Variants in CNNM2 observed in about 807,000 individuals in gnomAD.
CNNM2 encodes the protein cyclin and CBS domain divalent metal cation transport mediator 2.
CNNM2 carries 12 observed loss-of-function variants against 66.9 expected under a neutral mutation model. That is an observed-to-expected ratio of 0.18 (90% CI 0.11 to 0.29). CNNM2 has a LOEUF of 0.29. Among genes scored for constraint, CNNM2 ranks in the 10% least tolerant of loss-of-function variants. CNNM2 has a pLI of 1.00. For missense variants in CNNM2, 705 were observed against 1,167.7 expected (o/e 0.60, Z 5.77); for synonymous variants, 557 against 501.8 (o/e 1.11, Z -1.47).
At chr10:103,023,463 G>C (rs528234232) in intron 1 of CNNM2, among the ~76,000 whole-genome samples, 20 of 152,236 alleles carry the variant, frequency 1.3e-4, no homozygotes, top group African/African-American at 4.6e-4. Flanking sequence ...CAGGAGAATC[G>C]CTTGAACCTG....
Position 103,002,341 on chromosome 10 carries a change from A to C in CNNM2, c.1622-47366A>C, listed in dbSNP as rs2064137455. Among the ~76,000 whole-genome samples, 3 of 152,376 alleles carry C rather than the reference A, an allele frequency of 2.0e-5. 1 individual carries two copies. The South Asian group carries it at 6.2e-4, about 32-fold the overall frequency. On this transcript the variant is annotated intron_variant, in intron 1 of 7. Coordinates refer to ENST00000369878, the MANE Select transcript of CNNM2 (RefSeq NM_017649.5). Reference sequence around the variant, plus strand: ...AGACATTTCTCTAACAAGGATGTACAAATGAACAATAAGCACGTGAAAAGA... The same window carrying C: ...AGACATTTCTCTAACAAGGATGTACCAATGAACAATAAGCACGTGAAAAGA...
intron 1 of CNNM2, among the ~76,000 whole-genome samples, chr10:102,996,459 C>T (rs985180139): frequency 7.9e-5 from 12 of 152,162 alleles, no homozygotes; most frequent in South Asian, 2.1e-4. Flanking sequence ...AATCCCAGCA[C>T]CTTGGGAGGC....
At chr10:103,009,497 G>T (rs1248036812) in intron 1 of CNNM2, among the ~76,000 whole-genome samples, 2 of 151,932 alleles carry the variant, frequency 1.3e-5, no homozygotes, top group Admixed American at 1.3e-4. Flanking sequence ...TTTGAGACCA[G>T]CCTGGGCAAC....
chr10:102,970,878 C>T (rs2063536737), intron 1 of CNNM2, among the ~76,000 whole-genome samples: 1 of 152,026 alleles, frequency 6.6e-6, no homozygotes, highest in Non-Finnish European at 1.5e-5. Flanking sequence ...TCTTTCCTGG[C>T]TTGGTGACTC....
intron 1 of CNNM2, among the ~76,000 whole-genome samples, chr10:103,007,640 A>G (rs912973940): frequency 5.3e-5 from 8 of 152,174 alleles, no homozygotes; most frequent in Admixed American, 1.3e-4. Context: ...GAAGAAAAAT[A>G]TGGCTCTATT....
intron 1 of CNNM2, among the ~76,000 whole-genome samples, chr10:102,934,676 T>G (rs1213775236): frequency 6.6e-6 from 1 of 152,012 alleles, no homozygotes; most frequent in African/African-American, 2.4e-5. Context: ...AAAGACTAGC[T>G]AATATCTAAA....
chr10:103,066,876 G>A (rs2065487498), intron 4 of CNNM2, among the ~76,000 whole-genome samples: 1 of 152,152 alleles, frequency 6.6e-6, no homozygotes, highest in African/African-American at 2.4e-5. Context: ...TGTGGGGAAG[G>A]TTTGTAGCAC....
rs1465823884 is a variant in CNNM2 at position 102,995,154 on chromosome 10, C to CTTT, written c.1622-54553_1622-54552insTTT. On this transcript the variant is annotated intron_variant, in intron 1 of 7. Transcript: ENST00000369878. ...TCTTCTTCTTATTCTTCCTCCTCCC[C>CTTT]CTCTTCCTCCTCCTCCCCCTCTTCC... 1.8e-5 allele frequency among the ~76,000 whole-genome samples: 2 copies of CTTT among 110,372 alleles called. No individual in the cohort carries two copies. The highest frequency in any genetic ancestry group is 4.1e-5 in the Non-Finnish European group (2 of 48,726). 72.4% of individuals were successfully genotyped at this position (110,372 alleles called of 152,430 possible). A position where few individuals can be genotyped will look rare whatever the true frequency, so the allele number is the denominator to read the frequency against.
At chr10:102,935,184 A>C (rs1846194341) in intron 1 of CNNM2, among the ~76,000 whole-genome samples, 1 of 143,836 alleles carries the variant, frequency 7.0e-6, no homozygotes, top group African/African-American at 2.6e-5. Context: ...AAAAAAAAAG[A>C]CTTTGGGCCA....
intron 1 of CNNM2, among the ~76,000 whole-genome samples, chr10:103,038,293 C>T (rs966504463): frequency 2.0e-5 from 3 of 152,182 alleles, no homozygotes; most frequent in African/African-American, 7.2e-5. Flanking sequence ...TCTGGTCTTA[C>T]TGCATGGAGA....
intron 1 of CNNM2, among the ~76,000 whole-genome samples, chr10:102,931,868 A>C (rs895308456): frequency 3.3e-5 from 5 of 150,662 alleles, no homozygotes; most frequent in African/African-American, 1.2e-4. Flanking sequence ...AAAAAAAAAG[A>C]ATGCCATCCT....
At chr10:103,002,628 C>T (rs575222434) in intron 1 of CNNM2, among the ~76,000 whole-genome samples, 49 of 151,992 alleles carry the variant, frequency 3.2e-4, no homozygotes, top group South Asian at 6.2e-4. Flanking sequence ...TACAGGCATG[C>T]GCCACCACAC....
In CNNM2 at chr10:102,939,705, G is replaced by A. The variant is rs563298627; in HGVS notation, c.1621+19604G>A. On this transcript the variant is annotated intron_variant, in intron 1 of 7. Transcript: ENST00000369878. ...CATAATAAAGAACTGGCGGCCAGGC[G>A]CAGTGGCTCACGCCTGTAATCCCAG... 1.7e-4 allele frequency among the ~76,000 whole-genome samples: 26 copies of A among 152,148 alleles called. No homozygotes were observed. The South Asian group carries it at 4.8e-3, about 28-fold the overall frequency.
intron 4 of CNNM2, among the ~76,000 whole-genome samples, chr10:103,057,690 T>C (rs1383723444): frequency 2.0e-5 from 3 of 152,218 alleles, no homozygotes; most frequent in African/African-American, 7.2e-5. Flanking sequence ...CTTAGAGATA[T>C]CTTAGCATCT....
intron 1 of CNNM2, among the ~76,000 whole-genome samples, chr10:102,954,808 G>A (rs1846974938): frequency 6.6e-6 from 1 of 152,114 alleles, no homozygotes; most frequent in South Asian, 2.1e-4. Flanking sequence ...CATTTTTTGA[G>A]AAGGACCTTA....
chr10:103,044,803 C>G (rs1334902017), intron 1 of CNNM2, among the ~76,000 whole-genome samples: 1 of 152,170 alleles, frequency 6.6e-6, no homozygotes, highest in Non-Finnish European at 1.5e-5. Context: ...AAGTTTCAGC[C>G]TTGAAACAAG....
intron 1 of CNNM2, among the ~76,000 whole-genome samples, chr10:102,934,801 TTG>T (rs1194960407): frequency 6.6e-6 from 1 of 150,978 alleles, no homozygotes; most frequent in African/African-American, 2.4e-5. Context: ...CAAGCTATGA[TTG>T]TGTCACTGTA....
At chr10:103,020,513 T>C (rs2064552992) in intron 1 of CNNM2, among the ~76,000 whole-genome samples, 3 of 152,206 alleles carry the variant, frequency 2.0e-5, no homozygotes, top group African/African-American at 7.2e-5. Context: ...ATCAGTATTT[T>C]CCATGGGTTG....
chr10:102,993,971 C>T (rs989767738), intron 1 of CNNM2, among the ~76,000 whole-genome samples: 1 of 152,214 alleles, frequency 6.6e-6, no homozygotes, highest in East Asian at 1.9e-4. Context: ...GAGTCTTACT[C>T]TGTCACCCAG....
Sources: gnomAD v4.1 joint callset for allele counts (sites outside exome capture counted in the v4.1 genomes callset) on GRCh38, gnomAD v4.1.1 for gene constraint, MANE v1.5 for transcripts, NCBI Gene and HGNC (gene_info 2026-07-23, HGNC 2026-07-21) for gene names.